Variants in TCF4 observed in about 807,000 individuals in gnomAD.
TCF4 encodes transcription factor 4, also known as SL3-3 enhancer factor 2.
A neutral mutation model predicts 82.1 loss-of-function variants in TCF4; 3 were observed. That is an observed-to-expected ratio of 0.04 (90% CI 0.02 to 0.09). TCF4 has a LOEUF of 0.09. TCF4 is among the 10% of genes least tolerant of loss of function. TCF4 has a pLI of 1.00. For synonymous variants in TCF4, 276 were observed against 309.6 expected (o/e 0.89, Z 1.14); for missense variants, 518 against 852.7 (o/e 0.61, Z 4.89).
intron 15 of TCF4, among the ~76,000 whole-genome samples, chr18:55,245,707 T>G (rs2052868648): frequency 6.6e-6 from 1 of 152,250 alleles, no homozygotes; most frequent in South Asian, 2.1e-4. Flanking sequence ...CTATCCTGTC[T>G]CTAATTGTTG....
At chr18:55,282,333 T>A (rs61126434) in intron 8 of TCF4, among the ~76,000 whole-genome samples, 6,781 of 151,834 alleles carry the variant, frequency 0.045, 288 homozygotes, top group African/African-American at 0.11. Flanking sequence ...GATAGGGTAC[T>A]TTTTTTTAGA....
chr18:55,444,967 T>C (rs2095501014), intron 5 of TCF4, among the ~76,000 whole-genome samples: 1 of 152,178 alleles, frequency 6.6e-6, no homozygotes, highest in Non-Finnish European at 1.5e-5. Flanking sequence ...TTTCCATCAT[T>C]TTAATATCAC....
intron 14 of TCF4, among the ~76,000 whole-genome samples, chr18:55,255,086 G>A (rs1256866021): frequency 6.6e-6 from 1 of 152,182 alleles, no homozygotes; most frequent in Admixed American, 6.5e-5. Flanking sequence ...CCACTGGAAA[G>A]ATGACCTATT....
chr18:55,442,285 A>G (rs1002586872), intron 5 of TCF4, among the ~76,000 whole-genome samples: 2 of 152,242 alleles, frequency 1.3e-5, no homozygotes, highest in Admixed American at 1.3e-4. Context: ...CTAAAAAGGC[A>G]GATAGCTTTG....
upstream of TCF4, chr18:55,588,531 T>A (rs761340207): frequency 2.2e-5 from 33 of 1,533,164 alleles, no homozygotes; most frequent in Non-Finnish European, 2.7e-5. Context: ...TTTTGCCCGT[T>A]GCATCCCTCG....
At chr18:55,337,724 A>G (rs1603170004) in intron 8 of TCF4, among the ~76,000 whole-genome samples, 1 of 152,134 alleles carries the variant, frequency 6.6e-6, no homozygotes, top group Non-Finnish European at 1.5e-5. Flanking sequence ...ACAAGGGAGT[A>G]TCCCTTCAAG....
At chr18:55,578,781 C>G (rs1384593515) in intron 3 of TCF4, among the ~76,000 whole-genome samples, 1 of 151,974 alleles carries the variant, frequency 6.6e-6, no homozygotes, top group African/African-American at 2.4e-5. Context: ...AAGGCACATC[C>G]AACAATGGAT....
chr18:55,457,469 G>T (rs1218595999), intron 5 of TCF4, among the ~76,000 whole-genome samples: 1 of 152,046 alleles, frequency 6.6e-6, no homozygotes, highest in Non-Finnish European at 1.5e-5. Context: ...ATTTCTAAAA[G>T]AATAAATTAA....
intron 11 of TCF4, chr18:55,268,188 G>A (rs1248256293): frequency 6.6e-6 from 1 of 152,012 alleles, no homozygotes; most frequent in East Asian, 1.9e-4. Context: ...CTCAACTCAA[G>A]GTTCTGCTCC....
intron 2 of TCF4, among the ~76,000 whole-genome samples, chr18:55,605,018 G>A (rs1407308382): frequency 1.3e-5 from 2 of 152,184 alleles, no homozygotes; most frequent in Non-Finnish European, 2.9e-5. Flanking sequence ...ACCCAGGGAG[G>A]ACAGCTGGAA....
chr18:55,430,682 G>A (rs755778411), intron 5 of TCF4, among the ~76,000 whole-genome samples: 1 of 152,038 alleles, frequency 6.6e-6, no homozygotes, highest in Non-Finnish European at 1.5e-5. Flanking sequence ...AGGCAAGTTA[G>A]ACGTTTTTAA....
intron 2 of TCF4, among the ~76,000 whole-genome samples, chr18:55,622,863 A>G (rs899938188): frequency 3.0e-5 from 4 of 132,172 alleles, no homozygotes; most frequent in African/African-American, 1.2e-4. Flanking sequence ...ATCAGATTTA[A>G]AAACTTCTTT....
chr18:55,395,352 A>G (rs2093425846), intron 6 of TCF4, among the ~76,000 whole-genome samples: 1 of 152,212 alleles, frequency 6.6e-6, no homozygotes, highest in African/African-American at 2.4e-5. Flanking sequence ...CTGTAGTCCT[A>G]ATTGCTAGAA....
intron 15 of TCF4, among the ~76,000 whole-genome samples, chr18:55,241,967 A>AAAT (rs1043696472): frequency 1.1e-4 from 16 of 152,200 alleles, no homozygotes; most frequent in African/African-American, 3.4e-4. Context: ...TCCTATTTTT[A>AAAT]AATTCCTCAC....
At chr18:55,336,912 C>T (rs911339011) in intron 8 of TCF4, among the ~76,000 whole-genome samples, 3 of 151,960 alleles carry the variant, frequency 2.0e-5, no homozygotes, top group African/African-American at 7.3e-5. Flanking sequence ...ATTTAATCTG[C>T]AACTAATTAA....
chr18:55,504,490 G>A (rs1321752105), intron 3 of TCF4, among the ~76,000 whole-genome samples: 1 of 152,216 alleles, frequency 6.6e-6, no homozygotes, highest in Non-Finnish European at 1.5e-5. Flanking sequence ...TATAGACACT[G>A]TAATTCTTCA....
intron 3 of TCF4, among the ~76,000 whole-genome samples, chr18:55,493,138 C>G (rs1015275928): frequency 6.6e-6 from 1 of 152,160 alleles, no homozygotes; most frequent in Admixed American, 6.5e-5. Context: ...GACGACAGGA[C>G]AGTCAGCATG....
chr18:55,432,330 A>G (rs1273939289), intron 5 of TCF4, among the ~76,000 whole-genome samples: 1 of 152,004 alleles, frequency 6.6e-6, no homozygotes, highest in Non-Finnish European at 1.5e-5. Context: ...TAAATATGAT[A>G]ATCTTCCTTT....
chr18:55,306,762 G>T (rs1350235846), intron 8 of TCF4, among the ~76,000 whole-genome samples: 1 of 151,710 alleles, frequency 6.6e-6, no homozygotes, highest in Non-Finnish European at 1.5e-5. Context: ...TTTACTCCCT[G>T]GGTTGCAAAG....
Sources: allele counts gnomAD v4.1 joint callset (sites outside exome capture counted in the v4.1 genomes callset), GRCh38; gene constraint gnomAD v4.1.1; transcripts MANE v1.5; gene names NCBI Gene and HGNC (gene_info 2026-07-23, HGNC 2026-07-21).